The following MORC1 variants were observed in gnomAD, a reference collection of about 807,000 sequenced individuals.
MORC1 encodes MORC family CW-type zinc finger protein 1.
Under a neutral mutation model 134.9 loss-of-function variants are expected in MORC1, and 59 were observed. The ratio of observed to expected loss-of-function variants is 0.44; its 90% confidence interval spans 0.35 to 0.54. MORC1 has a LOEUF of 0.54. MORC1 is among the 20% of genes least tolerant of loss of function. The pLI is 0.00. For missense variants in MORC1, 947 were observed against 1,134.5 expected (o/e 0.83, Z 2.37); for synonymous variants, 395 against 391.7 (o/e 1.01, Z -0.10).
chr3:109,009,724 T>A lies in MORC1; in HGVS notation c.1705-2633A>T, dbSNP rs184913048. Among the ~76,000 whole-genome samples, 24 of 150,798 alleles carry A rather than the reference T, an allele frequency of 1.6e-4. No homozygotes were observed. In the East Asian group the frequency reaches 2.1e-3, roughly 13 times the overall value. On this transcript the variant is annotated intron_variant, in intron 17 of 27. Coordinates refer to ENST00000232603, the MANE Select transcript of MORC1 (RefSeq NM_014429.4). ...ACCTCTTGGTCAAAGGAATCTATAT[T>A]TTTTTTTTACAGTGGAGTAATTTTA...
chr3:108,981,109 A>G (rs1194785317), intron 23 of MORC1, among the ~76,000 whole-genome samples: 1 of 152,222 alleles, frequency 6.6e-6, no homozygotes, highest in Non-Finnish European at 1.5e-5. Flanking sequence ...GGAAAAAAGT[A>G]CAAGAGTCTG....
At chr3:109,078,395 T>A (rs1010218818) in intron 8 of MORC1, among the ~76,000 whole-genome samples, 2 of 151,894 alleles carry the variant, frequency 1.3e-5, no homozygotes, top group African/African-American at 4.8e-5. Flanking sequence ...CTGACTCCTC[T>A]CTCCAAAAAG....
At chr3:109,104,368 T>C (rs528093035) in intron 3 of MORC1, among the ~76,000 whole-genome samples, 1 of 152,268 alleles carries the variant, frequency 6.6e-6, no homozygotes, top group South Asian at 2.1e-4. Flanking sequence ...CCCTTCTAAG[T>C]AGTTAATTCT....
chr3:109,003,689 T>A (rs995067636), intron 20 of MORC1, among the ~76,000 whole-genome samples: 1 of 152,198 alleles, frequency 6.6e-6, no homozygotes, highest in Non-Finnish European at 1.5e-5. Flanking sequence ...TATAAAACTT[T>A]ACATTCAAGT....
chr3:108,999,109 A>T (rs2107516177), intron 21 of MORC1, among the ~76,000 whole-genome samples: 1 of 152,282 alleles, frequency 6.6e-6, no homozygotes, highest in East Asian at 1.9e-4. Flanking sequence ...TATTTACAAC[A>T]CCAGTTGCAG....
At chr3:109,107,967 A>C (rs1402610390) in intron 3 of MORC1, among the ~76,000 whole-genome samples, 1 of 152,140 alleles carries the variant, frequency 6.6e-6, no homozygotes, top group African/African-American at 2.4e-5. Context: ...AGGCTGAGGC[A>C]GAGGGAATCA....
At chr3:109,069,421 A>T (rs1950267885) in intron 9 of MORC1, among the ~76,000 whole-genome samples, 1 of 152,234 alleles carries the variant, frequency 6.6e-6, no homozygotes, top group South Asian at 2.1e-4. Flanking sequence ...GATCTAACTT[A>T]GCATGCTCAC....
At chr3:109,101,015 T>C (rs1950915779) in intron 4 of MORC1, among the ~76,000 whole-genome samples, 1 of 152,192 alleles carries the variant, frequency 6.6e-6, no homozygotes, top group Non-Finnish European at 1.5e-5. Flanking sequence ...AACTGTATAC[T>C]GAAAGAGATG....
chr3:109,059,978 T>C (rs1950042878), intron 11 of MORC1, 108 bp from the exon 12 acceptor site: 2 of 802,768 alleles, frequency 2.5e-6, no homozygotes, highest in Admixed American at 5.3e-5. Flanking sequence ...ATAGCTCACA[T>C]TACCTAATGC....
Position 109,000,562 on chromosome 3 carries a change from T to C in MORC1, c.2182A>G (p.Ile728Val). 6.2e-7 allele frequency: 1 copy of C among 1,601,086 alleles called. No homozygotes were observed. Among genetic ancestry groups the C allele is most frequent in the East Asian group, 2.2e-5 (1 of 44,682 alleles). The change falls in exon 21 of 28, where the codon ATC (isoleucine) becomes GTC (valine). Residue 728 changes from isoleucine (I) to valine (V), a missense_variant. By Grantham distance (29) the Ile-to-Val change is conservative. Transcript: ENST00000232603. ...EDENTSDSDI[I>V]LVSDKSNTDV... ...TAGTGTATAGTTTATCTCACCAGGATTATATCTGAATCACTCGTGTTCTCA... is the reference window on the plus strand; with the variant it reads ...TAGTGTATAGTTTATCTCACCAGGACTATATCTGAATCACTCGTGTTCTCA...
intron 17 of MORC1, among the ~76,000 whole-genome samples, chr3:109,011,618 T>C (rs1948688084): frequency 6.6e-6 from 1 of 151,688 alleles, no homozygotes; most frequent in African/African-American, 2.4e-5. Context: ...GCCTCCCAGG[T>C]TCAAGCAATT....
chr3:108,972,473 C>T (rs1947414128), intron 24 of MORC1, among the ~76,000 whole-genome samples: 1 of 152,074 alleles, frequency 6.6e-6, no homozygotes, highest in Non-Finnish European at 1.5e-5. Flanking sequence ...CAAGGAGATT[C>T]AAACCGAAAA....
At chr3:108,972,412 T>TTA in intron 24 of MORC1, among the ~76,000 whole-genome samples, 1 of 152,342 alleles carries the variant, frequency 6.6e-6, no homozygotes, top group South Asian at 2.1e-4. Context: ...CCACAATTTA[T>TTA]ATTCCCCATA....
intron 3 of MORC1, among the ~76,000 whole-genome samples, chr3:109,108,838 T>G (rs1418914564): frequency 1.3e-5 from 2 of 150,990 alleles, no homozygotes; most frequent in Non-Finnish European, 1.5e-5. Context: ...AGGCAGAGCT[T>G]GCAGTGAGCC....
At chr3:108,990,354 G>A (rs544991654) in intron 21 of MORC1, among the ~76,000 whole-genome samples, 9 of 152,118 alleles carry the variant, frequency 5.9e-5, no homozygotes, top group South Asian at 2.1e-4. Flanking sequence ...CCTCTCTGTC[G>A]TCATCTCACA....
At chr3:109,038,142 G>T (rs903479729) in intron 14 of MORC1, among the ~76,000 whole-genome samples, 2 of 152,172 alleles carry the variant, frequency 1.3e-5, no homozygotes, top group Non-Finnish European at 2.9e-5. Context: ...ATTTTAACTG[G>T]TATGAGATGG....
At chr3:109,020,098 G>A (rs975794825) in intron 17 of MORC1, among the ~76,000 whole-genome samples, 2 of 152,074 alleles carry the variant, frequency 1.3e-5, no homozygotes, top group African/African-American at 4.8e-5. Flanking sequence ...TTATAGTTTG[G>A]TATTTTCTGT....
chr3:108,977,896 G>C (rs1328012679), intron 24 of MORC1, among the ~76,000 whole-genome samples: 1 of 151,748 alleles, frequency 6.6e-6, no homozygotes, highest in Non-Finnish European at 1.5e-5. Flanking sequence ...GCTTTTTTTT[G>C]AGATGGAGTC....
intron 21 of MORC1, among the ~76,000 whole-genome samples, chr3:108,987,533 A>G (rs1947927713): frequency 6.6e-6 from 1 of 152,156 alleles, no homozygotes; most frequent in African/African-American, 2.4e-5. Context: ...AAGGGGCTGC[A>G]GAGCCTTAGT....
Sources: gnomAD v4.1 joint callset for allele counts (sites outside exome capture counted in the v4.1 genomes callset) on GRCh38, gnomAD v4.1.1 for gene constraint, MANE v1.5 for transcripts, NCBI Gene and HGNC (gene_info 2026-07-23, HGNC 2026-07-21) for gene names.